The following ASPH variants were observed in gnomAD, a reference collection of about 807,000 sequenced individuals.
The protein encoded by ASPH is aspartate beta-hydroxylase.
In ASPH, 100 loss-of-function variants were observed where a neutral mutation model predicts 118.4. The observed-to-expected ratio is 0.84, with a 90% confidence interval of 0.72 to 1.00. The LOEUF (loss-of-function observed/expected upper bound fraction) is 1.00, where lower values mean the gene tolerates loss of function less well. Among genes scored for constraint, ASPH ranks in the 50% least tolerant of loss-of-function variants. The pLI, the probability that ASPH is intolerant of heterozygous loss-of-function variation, is 0.00. For synonymous variants in ASPH, 315 were observed against 325.6 expected, an observed-to-expected ratio of 0.97 and a Z score of 0.35; for missense variants, 920 against 919.5, an observed-to-expected ratio of 1.00 and a Z score of -0.01.
At position 61,647,124 on chromosome 8, in the gene ASPH, A is replaced by G. The variant is rs115353342; in HGVS notation, c.491-246T>C. Among the ~76,000 whole-genome samples the G allele has an allele frequency of 5.5e-3, 838 of 152,312 alleles. 9 individuals are homozygous for G. The highest frequency in any genetic ancestry group is 0.019 in the African/African-American group (787 of 41,560). On this transcript the variant is annotated intron_variant, in intron 5 of 24. Coordinates refer to ENST00000379454, the MANE Select transcript of ASPH (RefSeq NM_004318.4). ...TGTTACACATCAGGACAGGAAGCTT[A>G]TATATTTTATCCATTATATATTCCC...
In ASPH at chr8:61,607,125, C is replaced by T. The variant is rs955256320; in HGVS notation, c.976+11853G>A. ...GTAGTTACTTGCTTTGCTTTCAGAG[C>T]GCTCCACAGAGCATAGCACACAAAA... On this transcript the variant is annotated intron_variant, in intron 14 of 24. Transcript: ENST00000379454. 40 of 553,378 alleles carry T rather than the reference C, an allele frequency of 7.2e-5. 1 individual carries two copies. The highest frequency in any genetic ancestry group is 2.7e-4 in the Admixed American group (8 of 29,342). The allele number at this position is 553,378 out of a possible 1,614,324, so 34.3% of individuals were successfully genotyped here. A position where few individuals can be genotyped will look rare whatever the true frequency, so the allele number is the denominator to read the frequency against.
At chr8:61,614,120 T>G (rs73265190) in intron 14 of ASPH, among the ~76,000 whole-genome samples, 1 of 152,078 alleles carries the variant, frequency 6.6e-6, no homozygotes, top group African/African-American at 2.4e-5. Flanking sequence ...GTTAGGGCCC[T>G]GATTATGACT....
chr8:61,663,247 G>A, intron 3 of ASPH: 1 of 985,182 alleles, frequency 1.0e-6, no homozygotes, highest in Non-Finnish European at 1.2e-6. Context: ...AGTTTGAGTG[G>A]GACCCACTCA....
chr8:61,598,034 TAAAC>T (rs1412413293), intron 14 of ASPH, among the ~76,000 whole-genome samples: 2 of 152,096 alleles, frequency 1.3e-5, no homozygotes, highest in East Asian at 3.8e-4. Flanking sequence ...AACTGCATGA[TAAAC>T]AACAGACGAT....
rs1371570105 is a variant in ASPH, at chr8:61,714,568, G to A, written c.-197C>T. 1 of 819,924 alleles carries A rather than the reference G, an allele frequency of 1.2e-6. No individual in the cohort carries two copies. Among genetic ancestry groups the A allele is most frequent in the Non-Finnish European group, 1.7e-6 (1 of 601,718 alleles). 50.8% of individuals were successfully genotyped at this position (819,924 alleles called of 1,614,324 possible). A position where few individuals can be genotyped will look rare whatever the true frequency, so the allele number is the denominator to read the frequency against. On this transcript the variant is annotated 5_prime_UTR_variant, in exon 1 of 25. Transcript: ENST00000379454. ...CCCGCCTGCCGGCTGCGCGCGCCCG[G>A]CCTCGCGTGTACGAACCTGTGACTC...
Position 61,571,989 on chromosome 8 carries a change from C to T in ASPH, c.1150-4671G>A, listed in dbSNP as rs150094472. On this transcript the variant is annotated intron_variant, in intron 16 of 24. Coordinates refer to ENST00000379454, the MANE Select transcript of ASPH (RefSeq NM_004318.4). ...ATCATACAGTTGCTGTCTGCTAAAGCTGGTCTGTACCATGGACAAGAGGAA... is the reference window on the plus strand; with the variant it reads ...ATCATACAGTTGCTGTCTGCTAAAGTTGGTCTGTACCATGGACAAGAGGAA... Among the ~76,000 whole-genome samples, 175 of 152,282 alleles carry T rather than the reference C, an allele frequency of 1.1e-3. 1 individual carries two copies. In the East Asian group the frequency reaches 0.028, roughly 25 times the overall value.
Position 61,714,335 on chromosome 8 carries a change from T to C in ASPH, c.37A>G (p.Ser13Gly). The change falls in exon 1 of 25, where the codon AGC (serine) becomes GGC (glycine). Residue 13 changes from serine (S) to glycine (G), a missense_variant. By Grantham distance (56) the Ser-to-Gly change is moderately conservative (BLOSUM62 0). Transcript: ENST00000379454. ...QRKNAKSSGN[S>G]SSSGSGSGST... is the part of the protein sequence containing the mutation. Reference sequence around the variant, plus strand: ...CCGCTGCCGGAGCCGCTGCTGCTGCTGTTGCCGCTGCTCTTGGCATTCTTA... The same window carrying C: ...CCGCTGCCGGAGCCGCTGCTGCTGCCGTTGCCGCTGCTCTTGGCATTCTTA... 1 of 1,518,250 alleles carries C rather than the reference T, an allele frequency of 6.6e-7. No individual in the cohort carries two copies. The highest frequency in any genetic ancestry group is 8.8e-7 in the Non-Finnish European group (1 of 1,133,630). The allele number at this position is 1,518,250 out of a possible 1,614,324, so 94.0% of individuals were successfully genotyped here. A position where few individuals can be genotyped will look rare whatever the true frequency, so the allele number is the denominator to read the frequency against.
At chr8:61,583,541 CA>C (rs11311318) in intron 15 of ASPH, 87,338 of 113,060 alleles carry the variant, frequency 0.77, 31,844 homozygotes, top group African/African-American at 0.81. Flanking sequence ...AGGCTCTGTC[CA>C]AAAAAAAAAA....
intron 12 of ASPH, among the ~76,000 whole-genome samples, chr8:61,635,115 T>C (rs1465373845): frequency 6.6e-6 from 1 of 152,178 alleles, no homozygotes; most frequent in Non-Finnish European, 1.5e-5. Flanking sequence ...AAATGGCTTT[T>C]GGTAAGATCA....
intron 3 of ASPH, chr8:61,668,262 C>T (rs922221731): frequency 1.9e-6 from 3 of 1,603,628 alleles, no homozygotes; most frequent in Admixed American, 3.4e-5. Flanking sequence ...TCTTGGCTAC[C>T]CCACTGGGTC....
At chr8:61,616,786 G>C (rs1229673471) in intron 14 of ASPH, among the ~76,000 whole-genome samples, 2 of 152,116 alleles carry the variant, frequency 1.3e-5, no homozygotes, top group African/African-American at 2.4e-5. Context: ...TCTGCCTACG[G>C]CATGCTCTCC....
intron 1 of ASPH, chr8:61,684,527 C>T (rs554337527): frequency 7.8e-5 from 14 of 179,474 alleles, no homozygotes; most frequent in African/African-American, 3.1e-4. Context: ...AATGAAATCA[C>T]ATAAAAATGT....
chr8:61,665,706 A>C, intron 3 of ASPH: 1 of 1,250,770 alleles, frequency 8.0e-7, no homozygotes, highest in Non-Finnish European at 1.1e-6. Context: ...TTATCTCTCC[A>C]CACACAGGAA....
intron 15 of ASPH, among the ~76,000 whole-genome samples, 172 bp downstream of exon 15, chr8:61,583,771 AT>A (rs1838360238): frequency 6.6e-6 from 1 of 152,066 alleles, no homozygotes; most frequent in Admixed American, 6.6e-5. Flanking sequence ...TGTGGTAGCA[AT>A]TCTCTTCCAT....
chr8:61,572,399 A>C (rs1303845820), intron 16 of ASPH, among the ~76,000 whole-genome samples: 3 of 152,158 alleles, frequency 2.0e-5, no homozygotes, highest in African/African-American at 7.2e-5. Context: ...TGTGAATCCA[A>C]TGGTCTACTT....
At chr8:61,591,030 C>A (rs540243166) in intron 14 of ASPH, among the ~76,000 whole-genome samples, 1 of 152,248 alleles carries the variant, frequency 6.6e-6, no homozygotes, top group African/African-American at 2.4e-5. Flanking sequence ...GCGGTATATA[C>A]ACAGTGCTCG....
chr8:61,691,294 T>C (rs1327975686), intron 1 of ASPH, among the ~76,000 whole-genome samples: 1 of 152,164 alleles, frequency 6.6e-6, no homozygotes, highest in South Asian at 2.1e-4. Context: ...CAACCTATGG[T>C]ACCAACATTT....
At chr8:61,676,356 G>A in intron 3 of ASPH, 1 of 1,537,366 alleles carries the variant, frequency 6.5e-7, no homozygotes, top group Non-Finnish European at 8.7e-7. Flanking sequence ...AGAAAATAAG[G>A]AGAGCAGTTA....
chr8:61,650,608 T>G (rs1810468686), intron 5 of ASPH, among the ~76,000 whole-genome samples: 2 of 152,210 alleles, frequency 1.3e-5, no homozygotes, highest in African/African-American at 2.4e-5. Flanking sequence ...ATTCTCACGT[T>G]TTTTTTCCTG....
Sources: gnomAD v4.1 joint callset for allele counts (sites outside exome capture counted in the v4.1 genomes callset) on GRCh38, gnomAD v4.1.1 for gene constraint, MANE v1.5 for transcripts, NCBI Gene and HGNC (gene_info 2026-07-23, HGNC 2026-07-21) for gene names.